The following ALX3 variants were observed in gnomAD, a reference collection of about 807,000 sequenced individuals.
The protein encoded by ALX3 is ALX homeobox 3.
In ALX3, 17 loss-of-function variants were observed where a neutral mutation model predicts 26.3. The observed-to-expected ratio is 0.65, with a 90% confidence interval of 0.44 to 0.97. ALX3 has a LOEUF of 0.97. ALX3 is among the 50% of genes least tolerant of loss of function. The pLI is 0.00. For missense variants in ALX3, 461 were observed against 466.5 expected, an observed-to-expected ratio of 0.99 and a Z score of 0.11; for synonymous variants, 208 against 201.4, an observed-to-expected ratio of 1.03 and a Z score of -0.28.
Position 110,060,945 on chromosome 1 carries a change from A to T in ALX3, c.820T>A (p.Tyr274Asn), listed in dbSNP as rs773504281. The T allele has an allele frequency of 1.2e-5, 20 of 1,613,198 alleles. No homozygotes were observed. Among genetic ancestry groups the T allele is most frequent in the Non-Finnish European group, 1.7e-5 (20 of 1,179,776 alleles). ...GCCACACTCCCATGGGGGTGGGAAT[A>T]TGGAGACATGCATGGGGAGGGGATG... ...EGIPSPCMSP[Y>N]SHPHGSVAGF... The change falls in exon 4 of 4, where the codon TAT (tyrosine) becomes AAT (asparagine). Residue 274 changes from tyrosine to asparagine, a missense_variant. Transcript: ENST00000647563.
chr1:110,066,572 T>TA (rs1553196608), intron 1 of ALX3, among the ~76,000 whole-genome samples: 7 of 72,590 alleles, frequency 9.6e-5, no homozygotes, highest in Admixed American at 1.7e-4. Flanking sequence ...GAATGGGACA[T>TA]CCCCCCCCCC....
At chr1:110,068,228 C>T (rs948703699) in intron 1 of ALX3, among the ~76,000 whole-genome samples, 3 of 152,244 alleles carry the variant, frequency 2.0e-5, no homozygotes, top group African/African-American at 7.2e-5. Flanking sequence ...CGCAGCTGCG[C>T]GCTCACTCGT....
chr1:110,059,994 C>G lies in ALX3; in HGVS notation c.*739G>C, dbSNP rs1033869745. On this transcript the variant is annotated 3_prime_UTR_variant, in exon 4 of 4. Coordinates refer to ENST00000647563, the MANE Select transcript of ALX3 (RefSeq NM_006492.3). ...TGTACAAAAATGGGGATCAGGATCT[C>G]AGTCTGTAGAAATCTGTTTTATTCT... 1.3e-5 allele frequency: 2 copies of G among 151,228 alleles called. No individual in the cohort carries two copies. The highest frequency in any genetic ancestry group is 2.9e-5 in the Non-Finnish European group (2 of 67,952). The allele number at this position is 151,228 out of a possible 1,614,324, so 9.4% of individuals were successfully genotyped here.
In ALX3 at chr1:110,061,583, GT is replaced by G; in HGVS notation, c.595-21del. Reference sequence around the variant, plus strand: ...CCAGACCTGGGGGCAGGTTGTGGGGGTTTGAGGGGGTGATAGGGCAGCCCTG... The same window carrying G: ...CCAGACCTGGGGGCAGGTTGTGGGGGTTGAGGGGGTGATAGGGCAGCCCTG... On this transcript the variant is annotated intron_variant, in intron 2 of 3. Transcript: ENST00000647563. 6.2e-7 allele frequency: 1 copy of G among 1,613,956 alleles called. No homozygotes were observed. Among genetic ancestry groups the G allele is most frequent in the Non-Finnish European group, 8.5e-7 (1 of 1,180,024 alleles).
At chr1:110,061,631 G>C in intron 2 of ALX3, 68 bp from the exon 3 acceptor site, 1 of 1,602,244 alleles carries the variant, frequency 6.2e-7, no homozygotes, top group South Asian at 1.1e-5. Context: ...CTGCTAGGGA[G>C]AGCTGATGGT....
chr1:110,061,272 C>G (rs1557801628), intron 3 of ALX3, 163 bp downstream of exon 3: 1 of 1,229,952 alleles, frequency 8.1e-7, no homozygotes, highest in African/African-American at 1.5e-5. Context: ...CCGCATGCGT[C>G]ATTCATGAGA....
In ALX3 at chr1:110,064,828, G is replaced by C; in HGVS notation, c.353C>G (p.Pro118Arg). 1.9e-6 allele frequency: 3 copies of C among 1,613,488 alleles called. No individual in the cohort carries two copies. The highest frequency in any genetic ancestry group is 2.5e-6 in the Non-Finnish European group (3 of 1,179,858). ...GCCTGGGGAGCCTTGCAAGTTAGAG[G>C]GCCCGTCTCTGGGGCCCCCTCGGCA... ...LDCRGGPRDGPSNLQGSPGPC... is the reference protein window; with the variant it reads ...LDCRGGPRDGRSNLQGSPGPC... The change falls in exon 2 of 4, where the codon CCC becomes CGC. Residue 118 changes from proline (P) to arginine (R), a missense_variant. Coordinates refer to ENST00000647563, the MANE Select transcript of ALX3 (RefSeq NM_006492.3).
intron 2 of ALX3, chr1:110,062,072 C>T (rs1209674141): frequency 6.3e-6 from 1 of 157,610 alleles, no homozygotes; most frequent in Non-Finnish European, 1.4e-5. Context: ...AAGGCCCCTG[C>T]CTCTCTGCAC....
chr1:110,063,949 TCTGGGAAGCC>T (rs1653717994), intron 2 of ALX3, among the ~76,000 whole-genome samples: 1 of 151,964 alleles, frequency 6.6e-6, no homozygotes, highest in African/African-American at 2.4e-5. Context: ...CCACGGCCCC[TCTGGGAAGCC>T]CTGGCACCTG....
chr1:110,070,389 A>C lies in ALX3; in HGVS notation c.224T>G (p.Leu75Arg). ...AKPPAKYLQD[L>R]GPGPALNGGH... is the part of the protein sequence containing the mutation. The stretch of plus-strand genomic sequence containing the variant: ...GCCGTTGAGGGCCGGGCCGGGCCCG[A>C]GGTCCTGCAGGTACTTGGCGGGCGG... Residue 75 changes from leucine (L) to arginine (R), a missense_variant, in exon 1 of 4, where the codon CTC (leucine) becomes CGC (arginine). Leu to Arg is a moderately radical substitution (Grantham distance 102, BLOSUM62 -2). This residue lies in a region of ALX3 where 241 missense variants were observed against 206.1 expected (regional missense o/e 1.17). Coordinates refer to ENST00000647563, the MANE Select transcript of ALX3 (RefSeq NM_006492.3). The C allele has an allele frequency of 7.8e-7, 1 of 1,283,818 alleles. No individual in the cohort carries two copies. The highest frequency in any genetic ancestry group is 1.5e-5 in the African/African-American group (1 of 65,926). The allele number at this position is 1,283,818 out of a possible 1,614,324, so 79.5% of individuals were successfully genotyped here.
chr1:110,067,287 C>T (rs552749497), intron 1 of ALX3, among the ~76,000 whole-genome samples: 1 of 152,358 alleles, frequency 6.6e-6, no homozygotes, highest in African/African-American at 2.4e-5. Flanking sequence ...CGGGGCACAT[C>T]TGAGGTGTGT....
chr1:110,068,414 G>T (rs1234343114), intron 1 of ALX3, among the ~76,000 whole-genome samples: 1 of 152,206 alleles, frequency 6.6e-6, no homozygotes, highest in Non-Finnish European at 1.5e-5. Flanking sequence ...CCGCAGGGAC[G>T]CTGGCAGCCC....
intron 2 of ALX3, chr1:110,061,887 T>C: frequency 2.5e-6 from 1 of 405,794 alleles, no homozygotes; most frequent in Non-Finnish European, 4.6e-6. Flanking sequence ...CCTAGGTACT[T>C]CCTGGGTATA....
intron 1 of ALX3, among the ~76,000 whole-genome samples, chr1:110,065,908 A>G (rs777355487): frequency 5.3e-5 from 8 of 152,238 alleles, no homozygotes; most frequent in Non-Finnish European, 1.2e-4. Context: ...TCCCTCTGGC[A>G]AGGACCCCCA....
In ALX3 at chr1:110,070,658, G is replaced by C. The variant is rs562489667; in HGVS notation, c.-46C>G. On this transcript the variant is annotated 5_prime_UTR_variant, in exon 1 of 4. Coordinates refer to ENST00000647563, the MANE Select transcript of ALX3 (RefSeq NM_006492.3). ...CCTCCGGGGCTCCGGGGCTCGCGCT[G>C]CCCGCGCCGCCTGTGAGCGCCCGCC... The C allele has an allele frequency of 4.3e-5, 51 of 1,182,642 alleles. No homozygotes were observed. The South Asian group carries it at 6.8e-4, about 16-fold the overall frequency. 73.3% of individuals were successfully genotyped at this position (1,182,642 alleles called of 1,614,324 possible). A position where few individuals can be genotyped will look rare whatever the true frequency, so the allele number is the denominator to read the frequency against.
At chr1:110,061,636 G>C in intron 2 of ALX3, 73 bp from the exon 3 acceptor site, 1 of 1,595,364 alleles carries the variant, frequency 6.3e-7, no homozygotes, top group Non-Finnish European at 8.5e-7. Flanking sequence ...AGGGAGAGCT[G>C]ATGGTTGTGT....
At chr1:110,066,301 G>A (rs553548025) in intron 1 of ALX3, among the ~76,000 whole-genome samples, 51 of 152,294 alleles carry the variant, frequency 3.3e-4, no homozygotes, top group African/African-American at 1.1e-3. Flanking sequence ...TGGGAGAGTC[G>A]AGCAGGGCTA....
chr1:110,062,141 C>T (rs1248480651), intron 2 of ALX3: 1 of 154,590 alleles, frequency 6.5e-6, no homozygotes, highest in African/African-American at 2.4e-5. Flanking sequence ...CAAGCTCCCG[C>T]CCAGCTCTTC....
chr1:110,064,855 T>G lies in ALX3; in HGVS notation c.326A>C (p.Asp109Ala), dbSNP rs1557803024. 3 of 1,611,784 alleles carry G rather than the reference T, an allele frequency of 1.9e-6. No individual in the cohort carries two copies. The highest frequency in any genetic ancestry group is 2.5e-6 in the Non-Finnish European group (3 of 1,178,966). ...CCCGTCTCTGGGGCCCCCTCGGCAGTCCAAGGGCAGCTGGGGGAAGCTGGC... is the reference window on the plus strand; with the variant it reads ...CCCGTCTCTGGGGCCCCCTCGGCAGGCCAAGGGCAGCTGGGGGAAGCTGGC... Reference protein sequence around the residue: ...KAASFPQLPLDCRGGPRDGPS... With the variant: ...KAASFPQLPLACRGGPRDGPS... The change falls in exon 2 of 4, where the codon GAC (aspartate) becomes GCC (alanine). Residue 109 changes from aspartate (D) to alanine (A), a missense_variant. Coordinates refer to ENST00000647563, the MANE Select transcript of ALX3 (RefSeq NM_006492.3).
Sources: allele counts gnomAD v4.1 joint callset (sites outside exome capture counted in the v4.1 genomes callset), GRCh38; gene constraint gnomAD v4.1.1; regional missense constraint gnomAD v4.1.1; transcripts MANE v1.5; gene names NCBI Gene and HGNC (gene_info 2026-07-23, HGNC 2026-07-21).